SRGAP1: variants seen among roughly 807,000 people sequenced by gnomAD.
SRGAP1 encodes the protein SLIT-ROBO Rho GTPase-activating protein 1.
A neutral mutation model predicts 121.9 loss-of-function variants in SRGAP1; 43 were observed. The observed-to-expected ratio is 0.35, with a 90% CI of 0.28 to 0.46. The LOEUF is 0.46. Among genes scored for constraint, SRGAP1 ranks in the 20% least tolerant of loss-of-function variants. The probability of loss-of-function intolerance (pLI) is 1.00; values close to 1 mark genes in which losing one functional copy is unlikely to be tolerated. For synonymous variants in SRGAP1, 447 were observed against 485.4 expected, an observed-to-expected ratio of 0.92 and a Z score of 1.04; for missense variants, 1,102 against 1,350.9, an observed-to-expected ratio of 0.82 and a Z score of 2.89.
chr12:64,114,542 G>T (rs1457385450), intron 17 of SRGAP1, among the ~76,000 whole-genome samples: 1 of 151,956 alleles, frequency 6.6e-6, no homozygotes, highest in Admixed American at 6.6e-5. Flanking sequence ...GCAGAGACAG[G>T]GTTTCACCAT....
chr12:63,971,763 GGT>G lies in SRGAP1; in HGVS notation c.68-12164_68-12163del, dbSNP rs148460394. ...GTGTGGGTATAGGGGTGTGTGTGTGGGTGTGTGTGTGTGTGTGTGTGATCTTT... is the reference window on the plus strand; with the variant it reads ...GTGTGGGTATAGGGGTGTGTGTGTGGGTGTGTGTGTGTGTGTGTGATCTTT... On this transcript the variant is annotated intron_variant, in intron 1 of 21. Transcript: ENST00000355086. Among the ~76,000 whole-genome samples, 547 of 148,338 alleles carry G rather than the reference GGT, an allele frequency of 3.7e-3. 4 individuals are homozygous for G. The highest frequency in any genetic ancestry group is 0.027 in the East Asian group (135 of 5,064).
intron 3 of SRGAP1, among the ~76,000 whole-genome samples, chr12:63,999,785 T>C (rs1031344609): frequency 2.6e-5 from 4 of 151,732 alleles, no homozygotes; most frequent in African/African-American, 4.8e-5. Context: ...GACTAGAGAG[T>C]TGGGAATCTT....
At chr12:64,021,685 CAG>C (rs1370445353) in intron 4 of SRGAP1, among the ~76,000 whole-genome samples, 1 of 152,146 alleles carries the variant, frequency 6.6e-6, no homozygotes, top group Non-Finnish European at 1.5e-5. Flanking sequence ...CCCCACAACA[CAG>C]AGAACATAAG....
intron 1 of SRGAP1, among the ~76,000 whole-genome samples, chr12:63,935,088 G>C (rs74099385): frequency 0.022 from 3,421 of 152,282 alleles, 114 homozygotes; most frequent in African/African-American, 0.077. Context: ...ATCGGGAGAG[G>C]AGGGTATGTC....
At chr12:63,885,169 C>A (rs1388463066) in intron 1 of SRGAP1, among the ~76,000 whole-genome samples, 1 of 152,102 alleles carries the variant, frequency 6.6e-6, no homozygotes, top group African/African-American at 2.4e-5. Flanking sequence ...TCCCCACCAA[C>A]AAGCAGCAGA....
intron 3 of SRGAP1, among the ~76,000 whole-genome samples, chr12:63,994,933 G>A (rs538362816): frequency 3.9e-5 from 6 of 152,208 alleles, no homozygotes; most frequent in Admixed American, 3.3e-4. Flanking sequence ...CATATGCTAC[G>A]CATAAAAATG....
intron 18 of SRGAP1, among the ~76,000 whole-genome samples, chr12:64,116,241 A>C (rs1179697059): frequency 2.7e-5 from 4 of 146,234 alleles, no homozygotes; most frequent in African/African-American, 1.0e-4. Context: ...TGGGCAACAG[A>C]ACAGACCTCA....
intron 3 of SRGAP1, among the ~76,000 whole-genome samples, chr12:64,005,712 C>A (rs993454545): frequency 7.3e-5 from 11 of 151,700 alleles, no homozygotes; most frequent in African/African-American, 2.7e-4. Context: ...TTGCACAGAT[C>A]TACTATTATA....
At chr12:64,036,067 G>A (rs2034896482) in intron 4 of SRGAP1, among the ~76,000 whole-genome samples, 1 of 152,194 alleles carries the variant, frequency 6.6e-6, no homozygotes, top group Admixed American at 6.5e-5. Flanking sequence ...TCCAGAGTCT[G>A]TGTTCATCAG....
intron 1 of SRGAP1, among the ~76,000 whole-genome samples, chr12:63,852,359 C>T (rs890511913): frequency 5.3e-5 from 8 of 152,162 alleles, no homozygotes; most frequent in Admixed American, 1.3e-4. Flanking sequence ...AATTCAAATA[C>T]GTAATCACTA....
rs780278576 is a variant in SRGAP1, at chr12:64,161,240, T to C, written c.*18568T>C. ...TGCATTAAAAACATGCTATAGTTTA[T>C]AAACCTTCTTGGATCTATCAAGGAA... On this transcript the variant is annotated 3_prime_UTR_variant, in exon 22 of 22. Coordinates refer to ENST00000355086, the MANE Select transcript of SRGAP1 (RefSeq NM_020762.4). The C allele has an allele frequency of 2.6e-5, 4 of 152,250 alleles. No individual in the cohort carries two copies. Among genetic ancestry groups the C allele is most frequent in the Non-Finnish European group, 5.9e-5 (4 of 68,038 alleles). 9.4% of individuals were successfully genotyped at this position (152,250 alleles called of 1,614,324 possible).
chr12:63,877,753 A>G (rs1329335250), intron 1 of SRGAP1, among the ~76,000 whole-genome samples: 1 of 152,240 alleles, frequency 6.6e-6, no homozygotes, highest in Admixed American at 6.5e-5. Flanking sequence ...TGTTGAGACC[A>G]AATTCTAGAT....
At chr12:63,972,180 C>G (rs935037033) in intron 1 of SRGAP1, among the ~76,000 whole-genome samples, 1 of 152,084 alleles carries the variant, frequency 6.6e-6, no homozygotes, top group Non-Finnish European at 1.5e-5. Context: ...AGAGCAAGAC[C>G]TTGTCTCGAT....
chr12:63,880,027 A>C (rs1900142507), intron 1 of SRGAP1, among the ~76,000 whole-genome samples: 1 of 152,138 alleles, frequency 6.6e-6, no homozygotes, highest in East Asian at 1.9e-4. Context: ...GACCTGGGGA[A>C]GGTAATTGAA....
At chr12:64,006,141 C>T (rs2034074967) in intron 3 of SRGAP1, among the ~76,000 whole-genome samples, 1 of 152,260 alleles carries the variant, frequency 6.6e-6, no homozygotes, top group East Asian at 1.9e-4. Context: ...GAGAGAGTGA[C>T]ATTTAATCAA....
chr12:63,922,042 G>C (rs999299388), intron 1 of SRGAP1, among the ~76,000 whole-genome samples: 1 of 151,082 alleles, frequency 6.6e-6, no homozygotes. Context: ...GCAGTGGTGT[G>C]ATCTTGGCTC....
chr12:64,069,914 T>C (rs1264803612), intron 8 of SRGAP1, among the ~76,000 whole-genome samples: 1 of 152,160 alleles, frequency 6.6e-6, no homozygotes, highest in Admixed American at 6.5e-5. Context: ...TACTTTTTTA[T>C]TATTTGTAGA....
At chr12:63,983,054 G>C (rs2033294862) in intron 1 of SRGAP1, 1 of 152,172 alleles carries the variant, frequency 6.6e-6, no homozygotes, top group Non-Finnish European at 1.5e-5. Context: ...ATAATATACT[G>C]GAATCTGAGG....
In SRGAP1 at chr12:64,113,317, G is replaced by A. The variant is rs1592333667; in HGVS notation, c.2144+1331G>A. Among the ~76,000 whole-genome samples the A allele has an allele frequency of 3.9e-5, 6 of 151,958 alleles. No homozygotes were observed. The South Asian group carries it at 1.0e-3, about 26-fold the overall frequency. ...CAGCTACTCCGGAGGCTGAGTCAGGGGAATTGCTCGAACATGGGAGGTAGA... is the reference window on the plus strand; with the variant it reads ...CAGCTACTCCGGAGGCTGAGTCAGGAGAATTGCTCGAACATGGGAGGTAGA... On this transcript the variant is annotated intron_variant, in intron 17 of 21. Transcript: ENST00000355086.
Sources: allele counts gnomAD v4.1 joint callset (sites outside exome capture counted in the v4.1 genomes callset), GRCh38; gene constraint gnomAD v4.1.1; transcripts MANE v1.5; gene names NCBI Gene and HGNC (gene_info 2026-07-23, HGNC 2026-07-21).